Variants in SIMC1 observed in about 807,000 individuals in gnomAD.
SIMC1 encodes SUMO-interacting motif-containing protein 1.
Under a neutral mutation model 82.3 loss-of-function variants are expected in SIMC1, and 55 were observed. The ratio of observed to expected loss-of-function variants is 0.67; its 90% CI spans 0.54 to 0.84. The LOEUF is 0.84. Ranked by LOEUF, SIMC1 falls within the 40% of genes least tolerant of loss-of-function variation. The pLI is 0.00. For synonymous variants in SIMC1, 353 were observed against 426.3 expected (o/e 0.83, Z 2.12); for missense variants, 915 against 1,107.2 (o/e 0.83, Z 2.46).
At chr5:176,323,512 T>C (rs959807661) in intron 6 of SIMC1, among the ~76,000 whole-genome samples, 3 of 152,200 alleles carry the variant, frequency 2.0e-5, no homozygotes, top group African/African-American at 7.2e-5. Context: ...ACAAAATAGA[T>C]ATTATTGCTC....
intron 1 of SIMC1, among the ~76,000 whole-genome samples, chr5:176,252,431 C>G (rs1371990588): frequency 1.3e-5 from 2 of 151,022 alleles, no homozygotes; most frequent in Non-Finnish European, 2.9e-5. Context: ...GACAGGGCGG[C>G]CGGGCAGAGA....
At chr5:176,288,109 G>A (rs1763377695) in intron 1 of SIMC1, among the ~76,000 whole-genome samples, 2 of 152,254 alleles carry the variant, frequency 1.3e-5, no homozygotes, top group South Asian at 2.1e-4. Flanking sequence ...CGCCTAGCCG[G>A]TGATGGGTTT....
At chr5:176,309,123 C>T (rs1030833030) in intron 4 of SIMC1, 8 of 639,944 alleles carry the variant, frequency 1.3e-5, no homozygotes, top group African/African-American at 7.3e-5. Flanking sequence ...GACTTCAAGA[C>T]TTACTATAAA....
At chr5:176,306,538 A>G (rs955259825) in intron 4 of SIMC1, among the ~76,000 whole-genome samples, 5 of 150,324 alleles carry the variant, frequency 3.3e-5, no homozygotes, top group African/African-American at 1.2e-4. Flanking sequence ...AGAAGTAGAC[A>G]TGGGAGAGTT....
At chr5:176,286,436 G>T (rs7379999) in intron 1 of SIMC1, among the ~76,000 whole-genome samples, 74,364 of 142,762 alleles carry the variant, frequency 0.52, 16,252 homozygotes, top group Middle Eastern at 0.55. Flanking sequence ...CCAGCCAAAT[G>T]TAGAAAGCTG....
At position 176,290,418 on chromosome 5, in the gene SIMC1, T is replaced by C. The variant is rs1763501517; in HGVS notation, c.894T>C (p.His298=). ...DVPGLPQSIL[H]PQDVAYLQDM... Reference sequence around the variant, plus strand: ...CAGGGCTGCCTCAAAGCATATTACATCCACAAGATGTGGCATACCTGCAAG... The same window carrying C: ...CAGGGCTGCCTCAAAGCATATTACACCCACAAGATGTGGCATACCTGCAAG... The change falls in exon 2 of 10, where the codon CAT becomes CAC. Residue 298 remains histidine (H), a synonymous_variant. Transcript: ENST00000429602. 6.2e-7 allele frequency: 1 copy of C among 1,613,738 alleles called. No homozygotes were observed. Among genetic ancestry groups the C allele is most frequent in the African/African-American group, 1.3e-5 (1 of 74,872 alleles).
In SIMC1 at chr5:176,295,054, A is replaced by G. The variant is rs369729568; in HGVS notation, c.1456A>G (p.Ile486Val). ...RENKGQKLEP[I>V]PHRRLRMVTN... is the part of the protein sequence containing the mutation. ...GAACAAGGGTCAAAAATTAGAACCC[A>G]TCCCTCATCGAAGACTAAGAATGGT... Residue 486 changes from isoleucine (I) to valine (V), a missense_variant, in exon 3 of 10, where the codon ATC (isoleucine) becomes GTC (valine). Around this residue, in one of 2 missense-constraint regions of SIMC1, gnomAD observed 902 missense variants for 1,040.3 expected, o/e 0.87. Coordinates refer to ENST00000429602, the MANE Select transcript of SIMC1 (RefSeq NM_001308195.2). The G allele has an allele frequency of 1.9e-6, 3 of 1,613,388 alleles. No homozygotes were observed. The highest frequency in any genetic ancestry group is 1.7e-6 in the Non-Finnish European group (2 of 1,179,642).
chr5:176,331,595 A>G (rs887554072), intron 7 of SIMC1, among the ~76,000 whole-genome samples: 16 of 149,796 alleles, frequency 1.1e-4, no homozygotes, highest in Non-Finnish European at 1.8e-4. Context: ...GATTGCAGGC[A>G]TGAGCCACTG....
At position 176,290,788 on chromosome 5, in the gene SIMC1, A is replaced by G. The variant is rs1763523081; in HGVS notation, c.1264A>G (p.Ile422Val). 3 of 1,613,446 alleles carry G rather than the reference A, an allele frequency of 1.9e-6. No individual in the cohort carries two copies. The highest frequency in any genetic ancestry group is 1.7e-5 in the Admixed American group (1 of 59,966). The part of the protein sequence containing the change: ...SVMETPARKE[I>V]SLSEPAKPGS... The stretch of plus-strand genomic sequence containing the variant: ...CATGGAAACCCCAGCCAGAAAAGAA[A>G]TATCACTGTCAGAGCCTGCCAAACC... Residue 422 changes from isoleucine to valine, a missense_variant, in exon 2 of 10, where the codon ATA becomes GTA. Transcript: ENST00000429602.
intron 1 of SIMC1, among the ~76,000 whole-genome samples, chr5:176,264,100 C>T (rs953169742): frequency 1.7e-4 from 26 of 152,380 alleles, no homozygotes; most frequent in East Asian, 3.9e-4. Context: ...CTCCTAAGGC[C>T]TTGGGCAGCC....
chr5:176,305,639 C>T (rs1160810057), intron 4 of SIMC1, among the ~76,000 whole-genome samples: 1 of 134,656 alleles, frequency 7.4e-6, no homozygotes, highest in Non-Finnish European at 1.6e-5. Context: ...GGCGCCTCTG[C>T]CCGGCTGCCC....
intron 1 of SIMC1, among the ~76,000 whole-genome samples, chr5:176,248,577 T>TC (rs1761531135): frequency 6.6e-6 from 1 of 152,260 alleles, no homozygotes; most frequent in African/African-American, 2.4e-5. Context: ...CTTCCTCTCT[T>TC]CCTATTTGAA....
intron 1 of SIMC1, among the ~76,000 whole-genome samples, chr5:176,262,200 A>AATG (rs1467343082): frequency 1.3e-5 from 2 of 151,290 alleles, no homozygotes; most frequent in Non-Finnish European, 2.9e-5. Flanking sequence ...GCAATTCACC[A>AATG]CATCAGTAGG....
intron 4 of SIMC1, among the ~76,000 whole-genome samples, chr5:176,310,734 T>A (rs943638655): frequency 1.3e-5 from 2 of 152,164 alleles, no homozygotes; most frequent in Admixed American, 6.5e-5. Flanking sequence ...TTATGATGAT[T>A]ATGATGTTGA....
At chr5:176,323,758 G>A (rs1307443625) in intron 6 of SIMC1, among the ~76,000 whole-genome samples, 5 of 152,022 alleles carry the variant, frequency 3.3e-5, no homozygotes, top group East Asian at 1.9e-4. Flanking sequence ...AGGCCAAGGC[G>A]GGTGGATCAT....
chr5:176,322,533 A>T, intron 6 of SIMC1, 108 bp downstream of exon 6: 2 of 1,282,206 alleles, frequency 1.6e-6, no homozygotes, highest in African/African-American at 1.5e-5. Flanking sequence ...AGATCTTAGA[A>T]CATAGGCTGA....
At chr5:176,318,829 G>A (rs342010) in intron 5 of SIMC1, among the ~76,000 whole-genome samples, 88,915 of 152,102 alleles carry the variant, frequency 0.58, 26,102 homozygotes, top group Middle Eastern at 0.63. Context: ...GTAAGTAGTC[G>A]GGCGTGGTGG....
At chr5:176,296,957 G>T (rs1156561818) in intron 4 of SIMC1, among the ~76,000 whole-genome samples, 1 of 152,086 alleles carries the variant, frequency 6.6e-6, no homozygotes, top group African/African-American at 2.4e-5. Context: ...CTGATGAGCC[G>T]GGCAGAGAAA....
chr5:176,304,837 C>T (rs1240590103), intron 4 of SIMC1, among the ~76,000 whole-genome samples: 2 of 150,880 alleles, frequency 1.3e-5, no homozygotes, highest in South Asian at 4.2e-4. Flanking sequence ...TCTGCCCCGC[C>T]GCCCCATCTG....
Sources: gnomAD v4.1 joint callset for allele counts (sites outside exome capture counted in the v4.1 genomes callset) on GRCh38, gnomAD v4.1.1 for gene constraint, gnomAD v4.1.1 regional missense constraint, MANE v1.5 for transcripts, NCBI Gene and HGNC (gene_info 2026-07-23, HGNC 2026-07-21) for gene names.